The following DESI2 variants were observed in gnomAD, a reference collection of about 807,000 sequenced individuals.
DESI2 encodes desumoylating isopeptidase 2.
A neutral mutation model predicts 24.1 loss-of-function variants in DESI2; 10 were observed. The ratio of observed to expected loss-of-function variants is 0.41; its 90% confidence interval spans 0.26 to 0.70. The LOEUF (loss-of-function observed/expected upper bound fraction) is 0.70. Ranked by LOEUF, DESI2 falls within the 30% of genes least tolerant of loss-of-function variation. The pLI is 0.29. For synonymous variants in DESI2, 71 were observed against 87.7 expected, an observed-to-expected ratio of 0.81 and a Z score of 1.06; for missense variants, 122 against 234.9, an observed-to-expected ratio of 0.52 and a Z score of 3.14.
At chr1:244,663,365 A>G (rs374766584) in intron 1 of DESI2, among the ~76,000 whole-genome samples, 6 of 151,900 alleles carry the variant, frequency 3.9e-5, no homozygotes, top group Admixed American at 6.6e-5. Context: ...TTTAGTAGAG[A>G]CGGGGTTTCA....
intron 1 of DESI2, among the ~76,000 whole-genome samples, chr1:244,658,275 C>T (rs1675715655): frequency 6.6e-6 from 1 of 152,086 alleles, no homozygotes; most frequent in Admixed American, 6.6e-5. Context: ...GTCCATTTCC[C>T]TCTTCTATAT....
chr1:244,667,175 A>T (rs1469229188), intron 1 of DESI2, among the ~76,000 whole-genome samples: 4 of 152,174 alleles, frequency 2.6e-5, no homozygotes, highest in Non-Finnish European at 5.9e-5. Flanking sequence ...GTCTTAACTC[A>T]TTTCAGCATT....
chr1:244,676,466 A>G (rs1203914943), intron 1 of DESI2, among the ~76,000 whole-genome samples: 2 of 151,860 alleles, frequency 1.3e-5, no homozygotes, highest in Non-Finnish European at 2.9e-5. Flanking sequence ...ATTCCTTATG[A>G]TTTTCCTGTA....
intron 4 of DESI2, among the ~76,000 whole-genome samples, chr1:244,705,135 G>A (rs1677645056): frequency 6.6e-6 from 1 of 152,138 alleles, no homozygotes; most frequent in Non-Finnish European, 1.5e-5. Flanking sequence ...TGAAAAAGAA[G>A]AATTCACAAA....
intron 1 of DESI2, among the ~76,000 whole-genome samples, chr1:244,658,386 C>A (rs1307506840): frequency 1.3e-5 from 2 of 152,174 alleles, no homozygotes. Context: ...TCTGGAGTGG[C>A]ATTGTCCAGC....
At chr1:244,672,029 T>G (rs1216420528) in intron 1 of DESI2, among the ~76,000 whole-genome samples, 2 of 152,172 alleles carry the variant, frequency 1.3e-5, no homozygotes. Flanking sequence ...CCTCCAAATC[T>G]CATATTGAAA....
chr1:244,683,529 T>C (rs1388268390), intron 1 of DESI2, among the ~76,000 whole-genome samples: 2 of 152,158 alleles, frequency 1.3e-5, no homozygotes, highest in Non-Finnish European at 2.9e-5. Flanking sequence ...GCCAGGGTGG[T>C]CTTGATCTCC....
In DESI2 at chr1:244,686,215, T is replaced by G. The variant is rs546671859; in HGVS notation, c.43-382T>G. On this transcript the variant is annotated intron_variant, in intron 1 of 4. Transcript: ENST00000302550. ...CTCACCAAAGAATAAGAAGAAAAGC[T>G]TAGGATAGGAGAAAAATAGATATGA... Among the ~76,000 whole-genome samples, 4 of 152,112 alleles carry G rather than the reference T, an allele frequency of 2.6e-5. No homozygotes were observed. In the East Asian group the frequency reaches 7.7e-4, roughly 29 times the overall value.
In DESI2 at chr1:244,653,145, G is replaced by T. The variant is rs1013926741; in HGVS notation, c.-169G>T. The T allele has an allele frequency of 1.4e-5, 8 of 569,138 alleles. No individual in the cohort carries two copies. In the South Asian group the frequency reaches 3.6e-4, roughly 26 times the overall value. 35.3% of individuals were successfully genotyped at this position (569,138 alleles called of 1,614,324 possible). A position where few individuals can be genotyped will look rare whatever the true frequency, so the allele number is the denominator to read the frequency against. ...CCGCACAGACGCTCCTGTCGGCGGC[G>T]CCCGGGAGCGGCTCGGCTGCCCGAT... On this transcript the variant is annotated 5_prime_UTR_variant, in exon 1 of 5. Transcript: ENST00000302550.
intron 1 of DESI2, among the ~76,000 whole-genome samples, chr1:244,660,238 T>C (rs2148781138): frequency 6.6e-6 from 1 of 152,332 alleles, no homozygotes; most frequent in African/African-American, 2.4e-5. Flanking sequence ...CCATCTCTGC[T>C]CACTGCAACC....
rs1320332370 is a variant in DESI2, at chr1:244,668,293, T to C, written c.42+14938T>C. On this transcript the variant is annotated intron_variant, in intron 1 of 4. Transcript: ENST00000302550. ...TTAGGGGGGTCTTTCTAGAATAGTGTTTCTCAATTTTTATCTTGGATTCAA... is the reference window on the plus strand; with the variant it reads ...TTAGGGGGGTCTTTCTAGAATAGTGCTTCTCAATTTTTATCTTGGATTCAA... Among the ~76,000 whole-genome samples, 4 of 152,166 alleles carry C rather than the reference T, an allele frequency of 2.6e-5. No homozygotes were observed. In the East Asian group the frequency reaches 5.8e-4, roughly 22 times the overall value.
intron 3 of DESI2, among the ~76,000 whole-genome samples, chr1:244,690,594 A>G (rs973157389): frequency 6.6e-6 from 1 of 151,604 alleles, no homozygotes; most frequent in Admixed American, 6.6e-5. Context: ...AATCCCAGCT[A>G]CTCGGGAGGC....
At chr1:244,663,377 C>T (rs1038420226) in intron 1 of DESI2, among the ~76,000 whole-genome samples, 2 of 151,960 alleles carry the variant, frequency 1.3e-5, no homozygotes, top group South Asian at 4.1e-4. Context: ...GGGGTTTCAC[C>T]ATGTTAGCCA....
At chr1:244,653,568 G>A in intron 1 of DESI2, 1 of 543,652 alleles carries the variant, frequency 1.8e-6, no homozygotes, top group Non-Finnish European at 3.1e-6. Context: ...CGAGGGTTTT[G>A]GCCAAAGCTC....
intron 4 of DESI2, among the ~76,000 whole-genome samples, chr1:244,695,985 G>A (rs1677201815): frequency 6.6e-6 from 1 of 151,996 alleles, no homozygotes. Flanking sequence ...GCCCAGGCTG[G>A]TCTGGAACTC....
At chr1:244,672,650 G>T (rs563742865) in intron 1 of DESI2, among the ~76,000 whole-genome samples, 1 of 152,218 alleles carries the variant, frequency 6.6e-6, no homozygotes, top group African/African-American at 2.4e-5. Flanking sequence ...AGGCCAAGGC[G>T]GGCGGATCAC....
At chr1:244,662,827 A>G (rs1675895135) in intron 1 of DESI2, among the ~76,000 whole-genome samples, 1 of 152,182 alleles carries the variant, frequency 6.6e-6, no homozygotes, top group Non-Finnish European at 1.5e-5. Flanking sequence ...GTAAGCAAAC[A>G]TCAAGGCTGT....
At chr1:244,669,729 G>A (rs1453041247) in intron 1 of DESI2, among the ~76,000 whole-genome samples, 2 of 152,116 alleles carry the variant, frequency 1.3e-5, no homozygotes, top group Non-Finnish European at 2.9e-5. Flanking sequence ...TGGTGTCAGA[G>A]GAGGTAAGTG....
chr1:244,707,573 A>C lies in DESI2; in HGVS notation c.*1784A>C, dbSNP rs1164003930. The C allele has an allele frequency of 6.6e-6, 1 of 152,546 alleles. No homozygotes were observed. Among genetic ancestry groups the C allele is most frequent in the African/African-American group, 2.4e-5 (1 of 41,472 alleles). The allele number at this position is 152,546 out of a possible 1,614,324, so 9.4% of individuals were successfully genotyped here. A position where few individuals can be genotyped will look rare whatever the true frequency, so the allele number is the denominator to read the frequency against. ...CTAAGGCTCTAGCAGTGACTTGTTC[A>C]CTAAAAAGAGAGAGTCCTGTCCCCA... On this transcript the variant is annotated 3_prime_UTR_variant, in exon 5 of 5. Transcript: ENST00000302550.
Sources: allele counts gnomAD v4.1 joint callset (sites outside exome capture counted in the v4.1 genomes callset), GRCh38; gene constraint gnomAD v4.1.1; transcripts MANE v1.5; gene names NCBI Gene and HGNC (gene_info 2026-07-23, HGNC 2026-07-21).